Variants in NR1H3 observed in about 807,000 individuals in gnomAD.
The protein encoded by NR1H3 is nuclear receptor subfamily 1 group H member 3, also known as oxysterols receptor LXR-alpha.
In NR1H3, 19 loss-of-function variants were observed where a neutral mutation model predicts 48.1. The observed-to-expected ratio is 0.40, with a 90% CI of 0.28 to 0.58. NR1H3 has a LOEUF of 0.58. Among genes scored for constraint, NR1H3 ranks in the 20% least tolerant of loss-of-function variants. The pLI is 0.50. For missense variants in NR1H3, 486 were observed against 595.9 expected (o/e 0.82, Z 1.92); for synonymous variants, 232 against 227.3 (o/e 1.02, Z -0.19).
intron 1 of NR1H3, among the ~76,000 whole-genome samples, chr11:47,251,114 G>A (rs3758670): frequency 0.27 from 40,634 of 151,864 alleles, 6,875 homozygotes; most frequent in East Asian, 0.65. Flanking sequence ...AGCGGAGATC[G>A]TGCCACTGCA....
upstream of NR1H3, among the ~76,000 whole-genome samples, chr11:47,253,134 C>CATGTGTGTGTGTGTGTGTGT (rs1554980522): frequency 6.8e-6 from 1 of 147,776 alleles, no homozygotes; most frequent in Admixed American, 6.7e-5. Flanking sequence ...AATTTTTGTG[C>CATGTGTGTGTGTGTGTGTGT]GTGTGTGTGT....
At chr11:47,264,083 C>T (rs1274157356) in intron 7 of NR1H3, among the ~76,000 whole-genome samples, 2 of 152,194 alleles carry the variant, frequency 1.3e-5, no homozygotes, top group Admixed American at 6.5e-5. Context: ...GGGAGCTACG[C>T]AGAAGGGGTT....
At chr11:47,250,124 A>T (rs764538135) in intron 1 of NR1H3, among the ~76,000 whole-genome samples, 110 of 152,202 alleles carry the variant, frequency 7.2e-4, no homozygotes, top group Non-Finnish European at 8.4e-4. Flanking sequence ...AAACCTGATT[A>T]GGCTTGGTGT....
chr11:47,252,821 G>A (rs1225481534), intron 1 of NR1H3, among the ~76,000 whole-genome samples: 6 of 151,302 alleles, frequency 4.0e-5, no homozygotes, highest in South Asian at 2.1e-4. Flanking sequence ...CCACCCACTC[G>A]GCCTCCCAAA....
At chr11:47,256,762 G>T (rs1955219463), upstream of NR1H3, among the ~76,000 whole-genome samples, 1 of 142,556 alleles carries the variant, frequency 7.0e-6, no homozygotes, top group South Asian at 2.2e-4. Context: ...ACAGAGTCTC[G>T]CTCTGTCACT....
At chr11:47,249,228 C>T (rs1954394451) in intron 1 of NR1H3, among the ~76,000 whole-genome samples, 1 of 152,018 alleles carries the variant, frequency 6.6e-6, no homozygotes, top group South Asian at 2.1e-4. Context: ...TCTCCACGCC[C>T]CTGCCTTTGT....
rs1956105556 is a variant in NR1H3, at chr11:47,263,286, A to G, written c.988+1268A>G. 2.2e-5 allele frequency among the ~76,000 whole-genome samples: 3 copies of G among 136,056 alleles called. No homozygotes were observed. The Admixed American group carries it at 2.3e-4, about 10-fold the overall frequency. The allele number at this position is 136,056 out of a possible 152,430, so 89.3% of individuals were successfully genotyped here. A position where few individuals can be genotyped will look rare whatever the true frequency, so the allele number is the denominator to read the frequency against. ...CCCCTACTTTTTTTTTTTTTTTGAG[A>G]TAAGTTCTTGCTCTGTCACGCAGGC... On this transcript the variant is annotated intron_variant, in intron 7 of 9. Transcript: ENST00000441012.
At position 47,260,397 on chromosome 11, in the gene NR1H3, T is replaced by C. The variant is rs374064171; in HGVS notation, c.233-12T>C. 10 of 1,602,888 alleles carry C rather than the reference T, an allele frequency of 6.2e-6. No homozygotes were observed. Among genetic ancestry groups the C allele is most frequent in the Non-Finnish European group, 6.8e-6 (8 of 1,172,728 alleles). On this transcript the variant is annotated splice_polypyrimidine_tract_variant and intron_variant, in intron 3 of 9. Coordinates refer to ENST00000441012, the MANE Select transcript of NR1H3 (RefSeq NM_005693.4). ...CTCGGGGGAGAGCGTTGAAGCACTTTCCTGTATCCAGAGATCCGTCCACAA... is the reference window on the plus strand; with the variant it reads ...CTCGGGGGAGAGCGTTGAAGCACTTCCCTGTATCCAGAGATCCGTCCACAA...
chr11:47,261,161 T>A, intron 4 of NR1H3, 80 bp from the exon 5 acceptor site: 17 of 678,388 alleles, frequency 2.5e-5, no homozygotes, highest in East Asian at 1.4e-4. Flanking sequence ...TGCCCCATCC[T>A]TCCCTCCTGT....
chr11:47,261,597 C>T lies in NR1H3; in HGVS notation c.759C>T (p.Arg253=). 1 of 1,614,258 alleles carries T rather than the reference C, an allele frequency of 6.2e-7. No individual in the cohort carries two copies. Among genetic ancestry groups the T allele is most frequent in the Non-Finnish European group, 8.5e-7 (1 of 1,180,048 alleles). The change falls in exon 6 of 10, where the codon CGC becomes CGT. Residue 253 remains arginine, a synonymous_variant. Transcript: ENST00000441012. ...ATAGCCGGGAGGCCCGTCAGCAGCG[C>T]TTTGCCCACTTCACTGAGCTGGCCA... ...DPHSREARQQ[R]FAHFTELAIV...
At chr11:47,259,387 G>C in intron 2 of NR1H3, 128 bp downstream of exon 2, 1 of 1,594,424 alleles carries the variant, frequency 6.3e-7, no homozygotes, top group Non-Finnish European at 8.6e-7. Context: ...ATTCTTAGTC[G>C]TGCTTGCCTC....
chr11:47,255,637 CTT>C (rs1310248899), upstream of NR1H3, among the ~76,000 whole-genome samples: 11 of 115,780 alleles, frequency 9.5e-5, no homozygotes, highest in Middle Eastern at 4.5e-3. Context: ...TTCTTTCTTT[CTT>C]TCTTTCTTTC....
rs1957756538 is a variant in NR1H3 at position 47,268,833 on chromosome 11, A to G, written c.*137A>G. 8.7e-7 allele frequency: 1 copy of G among 1,146,012 alleles called. No individual in the cohort carries two copies. Among genetic ancestry groups the G allele is most frequent in the Non-Finnish European group, 1.2e-6 (1 of 815,082 alleles). 71.0% of individuals were successfully genotyped at this position (1,146,012 alleles called of 1,614,324 possible). A position where few individuals can be genotyped will look rare whatever the true frequency, so the allele number is the denominator to read the frequency against. On this transcript the variant is annotated 3_prime_UTR_variant, in exon 10 of 10. Coordinates refer to ENST00000441012, the MANE Select transcript of NR1H3 (RefSeq NM_005693.4). ...GGAGATCCTCCCGTGGCATTAAAAGAGAGTCAAAGGGTTGCGAGTTTTGTG... is the reference window on the plus strand; with the variant it reads ...GGAGATCCTCCCGTGGCATTAAAAGGGAGTCAAAGGGTTGCGAGTTTTGTG...
chr11:47,261,785 G>A (rs1199700554), intron 6 of NR1H3, 59 bp downstream of exon 6: 2 of 1,611,460 alleles, frequency 1.2e-6, no homozygotes, highest in East Asian at 2.2e-5. Flanking sequence ...CTGTGGGAGG[G>A]GCCTCCAGAC....
upstream of NR1H3, chr11:47,257,562 A>G: frequency 2.8e-6 from 2 of 712,634 alleles, no homozygotes; most frequent in Non-Finnish European, 3.4e-6. Flanking sequence ...GCAAGGGAGG[A>G]GGAGGGAGGC....
At chr11:47,248,454 C>A (rs549986852), upstream of NR1H3, 27 of 1,544,954 alleles carry the variant, frequency 1.7e-5, no homozygotes, top group East Asian at 4.4e-4. Flanking sequence ...CTTAACCATT[C>A]AACCACTTCC....
At chr11:47,248,478 G>C, upstream of NR1H3, 1 of 1,548,908 alleles carries the variant, frequency 6.5e-7, no homozygotes, top group Non-Finnish European at 8.7e-7. Context: ...TCTCAAGGCA[G>C]ACTCACCCCG....
upstream of NR1H3, chr11:47,248,483 A>AC: frequency 6.5e-7 from 1 of 1,549,448 alleles, no homozygotes; most frequent in South Asian, 1.2e-5. Flanking sequence ...AGGCAGACTC[A>AC]CCCCGACGTA....
upstream of NR1H3, among the ~76,000 whole-genome samples, chr11:47,256,460 T>C (rs1336063645): frequency 6.6e-6 from 1 of 152,192 alleles, no homozygotes; most frequent in Non-Finnish European, 1.5e-5. Context: ...ATAAGAGGTT[T>C]AGGATTTGAA....
Sources: gnomAD v4.1 joint callset for allele counts (sites outside exome capture counted in the v4.1 genomes callset) on GRCh38, gnomAD v4.1.1 for gene constraint, MANE v1.5 for transcripts, NCBI Gene and HGNC (gene_info 2026-07-23, HGNC 2026-07-21) for gene names.